Variants in RBFOX1 observed in about 807,000 individuals in gnomAD.
The protein encoded by RBFOX1 is RNA binding fox-1 homolog 1, also known as RNA binding protein fox-1 homolog 1.
A neutral mutation model predicts 57.7 loss-of-function variants in RBFOX1; 8 were observed. The observed-to-expected ratio is 0.14, with a 90% CI of 0.08 to 0.25. The LOEUF is 0.25. Ranked by LOEUF, RBFOX1 falls within the 10% of genes least tolerant of loss-of-function variation. The pLI is 1.00. For missense variants in RBFOX1, 611 were observed against 548.5 expected (o/e 1.11, Z -1.14); for synonymous variants, 326 against 222.4 (o/e 1.47, Z -4.15).
chr16:7,498,017 T>C (rs1243095266), intron 4 of RBFOX1, among the ~76,000 whole-genome samples: 1 of 152,238 alleles, frequency 6.6e-6, no homozygotes, highest in Non-Finnish European at 1.5e-5. Context: ...ATAGGTGCTT[T>C]AGACAGATTC....
At chr16:5,572,066 C>T (rs1396036738) in intron 2 of RBFOX1, among the ~76,000 whole-genome samples, 5 of 152,180 alleles carry the variant, frequency 3.3e-5, no homozygotes, top group African/African-American at 1.2e-4. Flanking sequence ...AGAACAAGCT[C>T]TGCAGCACAT....
At chr16:7,220,238 T>G (rs1482757119) in intron 4 of RBFOX1, among the ~76,000 whole-genome samples, 4 of 152,174 alleles carry the variant, frequency 2.6e-5, no homozygotes, top group African/African-American at 9.7e-5. Context: ...AAGAGAAGGA[T>G]AATTCAATAT....
At chr16:7,275,092 C>T (rs1192149292) in intron 4 of RBFOX1, among the ~76,000 whole-genome samples, 1 of 152,024 alleles carries the variant, frequency 6.6e-6, no homozygotes, top group African/African-American at 2.4e-5. Flanking sequence ...GGTTCTGGAT[C>T]CTTCTTGTCC....
intron 1 of RBFOX1, among the ~76,000 whole-genome samples, chr16:6,206,986 C>T (rs202174262): frequency 2.1e-5 from 3 of 145,936 alleles, no homozygotes; most frequent in Admixed American, 6.8e-5. Context: ...CAGAAAGCTA[C>T]TTTTTTTTTT....
intron 1 of RBFOX1, among the ~76,000 whole-genome samples, chr16:6,048,055 A>T (rs1002289000): frequency 6.6e-6 from 1 of 152,222 alleles, no homozygotes; most frequent in African/African-American, 2.4e-5. Flanking sequence ...AATGGTTTTA[A>T]TTTAAAATAA....
In RBFOX1 at chr16:5,591,740, G is replaced by A. The variant is rs11644320; in HGVS notation, c.259-7162G>A. 1.7e-3 allele frequency among the ~76,000 whole-genome samples: 252 copies of A among 152,158 alleles called. 1 individual carries two copies. Among genetic ancestry groups the A allele is most frequent in the South Asian group, 0.013 (62 of 4,816 alleles). On this transcript the variant is annotated intron_variant, in intron 2 of 2. Transcript: ENST00000585867. ...CTCATTATCTTAACTGACAGTGTCT[G>A]GATTCACTATAACTTATTTACTTGG...
At chr16:6,198,253 A>G (rs1368474559) in intron 1 of RBFOX1, among the ~76,000 whole-genome samples, 1 of 152,170 alleles carries the variant, frequency 6.6e-6, no homozygotes, top group African/African-American at 2.4e-5. Context: ...AGGGTATTGA[A>G]TGTGCACACA....
chr16:6,303,790 A>G (rs947046687), intron 1 of RBFOX1, among the ~76,000 whole-genome samples: 1 of 143,452 alleles, frequency 7.0e-6, no homozygotes, highest in African/African-American at 2.5e-5. Flanking sequence ...TCTGGCTAAC[A>G]TGGTGAAACC....
intron 3 of RBFOX1, among the ~76,000 whole-genome samples, chr16:6,742,970 A>G (rs1255489153): frequency 6.6e-6 from 1 of 152,208 alleles, no homozygotes. Context: ...CACTTTATCA[A>G]TGTCAATATC....
intron 4 of RBFOX1, among the ~76,000 whole-genome samples, chr16:7,158,137 A>C (rs1435019243): frequency 6.6e-6 from 1 of 152,144 alleles, no homozygotes; most frequent in Non-Finnish European, 1.5e-5. Context: ...TCACAAGGTC[A>C]GGAGTTCGAG....
intron 2 of RBFOX1, among the ~76,000 whole-genome samples, chr16:5,555,011 A>C (rs1400244627): frequency 2.0e-5 from 3 of 152,136 alleles, no homozygotes; most frequent in Admixed American, 6.5e-5. Flanking sequence ...CACAGACTGC[A>C]CTGGGTCACT....
chr16:6,620,156 C>G (rs1248139389), intron 2 of RBFOX1, among the ~76,000 whole-genome samples: 1 of 152,114 alleles, frequency 6.6e-6, no homozygotes, highest in Admixed American at 6.5e-5. Flanking sequence ...CAGTCTCTTG[C>G]ACCACAGCAT....
At position 5,914,435 on chromosome 16, in the gene RBFOX1, C is replaced by T. The variant is rs571726134; in HGVS notation, c.351+47100C>T. ...ATCCTGACTGAGGCTAGAGAATCCC[C>T]TTCCAAGTTCATTCATGTAACCTTT... On this transcript the variant is annotated intron_variant, in intron 4 of 19. Coordinates refer to the RBFOX1 transcript ENST00000641259. 2.6e-5 allele frequency among the ~76,000 whole-genome samples: 4 copies of T among 152,244 alleles called. No homozygotes were observed. The South Asian group carries it at 8.3e-4, about 32-fold the overall frequency.
At chr16:5,255,554 AT>A (rs2062572389) in intron 1 of RBFOX1, among the ~76,000 whole-genome samples, 2 of 151,438 alleles carry the variant, frequency 1.3e-5, no homozygotes, top group Admixed American at 1.3e-4. Context: ...CTAACCATCT[AT>A]CCACCCACCC....
intron 4 of RBFOX1, among the ~76,000 whole-genome samples, chr16:7,200,198 C>A (rs1002509900): frequency 6.6e-6 from 1 of 152,176 alleles, no homozygotes; most frequent in Non-Finnish European, 1.5e-5. Flanking sequence ...GAAGTAGTGA[C>A]TTTTAGAAAG....
rs149670558 is a variant in RBFOX1 at position 7,102,238 on chromosome 16, G to T, written c.27+50140G>T. 6.0e-4 allele frequency among the ~76,000 whole-genome samples: 92 copies of T among 152,294 alleles called. No individual in the cohort carries two copies. In the East Asian group the frequency reaches 0.015, roughly 24 times the overall value. On this transcript the variant is annotated intron_variant, in intron 4 of 15. Transcript: ENST00000550418. ...GAAATTCGGGCTGGAGAAGAGAGATGAAAATATCTTTCTCAATTCTACCTT... is the reference window on the plus strand; with the variant it reads ...GAAATTCGGGCTGGAGAAGAGAGATTAAAATATCTTTCTCAATTCTACCTT...
At chr16:6,696,917 C>T (rs1485600515) in intron 3 of RBFOX1, among the ~76,000 whole-genome samples, 1 of 152,150 alleles carries the variant, frequency 6.6e-6, no homozygotes, top group Non-Finnish European at 1.5e-5. Context: ...TCTTGCAAAA[C>T]CCCCAATATA....
At chr16:5,621,315 C>T (rs538478691) in intron 3 of RBFOX1, among the ~76,000 whole-genome samples, 1 of 152,272 alleles carries the variant, frequency 6.6e-6, no homozygotes, top group African/African-American at 2.4e-5. Context: ...AGACCTGTCT[C>T]CAAATAGGTC....
intron 3 of RBFOX1, among the ~76,000 whole-genome samples, chr16:5,794,540 G>C (rs2151739231): frequency 6.6e-6 from 1 of 152,220 alleles, no homozygotes; most frequent in African/African-American, 2.4e-5. Context: ...GGTGTGTGCA[G>C]CCTTTCAGAT....
Sources: allele counts gnomAD v4.1 joint callset (sites outside exome capture counted in the v4.1 genomes callset), GRCh38; gene constraint gnomAD v4.1.1; transcripts MANE v1.5; gene names NCBI Gene and HGNC (gene_info 2026-07-23, HGNC 2026-07-21).